Variants in HECW1 observed in about 807,000 individuals in gnomAD.
HECW1 encodes the protein E3 ubiquitin-protein ligase HECW1.
In HECW1, 61 loss-of-function variants were observed where a neutral mutation model predicts 182.3. The observed-to-expected ratio is 0.33, with a 90% CI of 0.27 to 0.41. The LOEUF (loss-of-function observed/expected upper bound fraction) is 0.41, where lower values mean the gene tolerates loss of function less well. HECW1 is among the 10% of genes least tolerant of loss of function. The pLI is 1.00. For missense variants in HECW1, 1,739 were observed against 2,108.9 expected (o/e 0.82, Z 3.44); for synonymous variants, 859 against 832.6 (o/e 1.03, Z -0.55).
chr7:43,440,707 G>A (rs928938950), intron 9 of HECW1: 10 of 152,306 alleles, frequency 6.6e-5, no homozygotes, highest in African/African-American at 2.2e-4. Context: ...TTTTGGGTTC[G>A]GGATGTCTTT....
chr7:43,475,688 C>G (rs2078195465), intron 16 of HECW1, among the ~76,000 whole-genome samples: 1 of 152,110 alleles, frequency 6.6e-6, no homozygotes, highest in Non-Finnish European at 1.5e-5. Context: ...GTAGCTGGGA[C>G]CACAGATGCA....
At chr7:43,420,980 G>A (rs1341956781) in intron 8 of HECW1, among the ~76,000 whole-genome samples, 1 of 152,064 alleles carries the variant, frequency 6.6e-6, no homozygotes, top group Non-Finnish European at 1.5e-5. Flanking sequence ...GCCAAGTAGA[G>A]GTAAGAGAGT....
chr7:43,274,584 T>C, intron 3 of HECW1: 1 of 470,238 alleles, frequency 2.1e-6, no homozygotes, highest in Non-Finnish European at 4.0e-6. Flanking sequence ...TTCTTTTAGG[T>C]GCAGGTTCCT....
At chr7:43,503,687 A>G (rs1156392802) in intron 21 of HECW1, among the ~76,000 whole-genome samples, 1 of 151,410 alleles carries the variant, frequency 6.6e-6, no homozygotes, top group Non-Finnish European at 1.5e-5. Flanking sequence ...TACAATCCCC[A>G]TTCTCTTAGA....
chr7:43,302,342 G>T (rs1372934977), intron 3 of HECW1, among the ~76,000 whole-genome samples: 1 of 152,232 alleles, frequency 6.6e-6, no homozygotes, highest in South Asian at 2.1e-4. Context: ...GTCAGGGCAG[G>T]CAGCTGCCCT....
At chr7:43,410,941 T>C (rs1230602311) in intron 8 of HECW1, among the ~76,000 whole-genome samples, 1 of 152,076 alleles carries the variant, frequency 6.6e-6, no homozygotes, top group African/African-American at 2.4e-5. Context: ...GTTTATTTTG[T>C]GAAAGAACTA....
chr7:43,130,429 G>A (rs149977884), intron 2 of HECW1, among the ~76,000 whole-genome samples: 7 of 152,210 alleles, frequency 4.6e-5, no homozygotes, highest in Admixed American at 2.0e-4. Context: ...ACATTGAACC[G>A]TCAGAAAGCA....
intron 2 of HECW1, among the ~76,000 whole-genome samples, chr7:43,122,506 A>G (rs890855867): frequency 1.3e-5 from 2 of 152,228 alleles, no homozygotes; most frequent in Non-Finnish European, 2.9e-5. Flanking sequence ...CTCCTGCTTT[A>G]GAAACAACTT....
At chr7:43,240,183 A>C (rs376565095) in intron 2 of HECW1, among the ~76,000 whole-genome samples, 5 of 152,080 alleles carry the variant, frequency 3.3e-5, no homozygotes, top group African/African-American at 9.7e-5. Context: ...TCTACTAAAA[A>C]TACAAAAAGC....
At chr7:43,202,477 CTTT>C (rs760450431) in intron 2 of HECW1, among the ~76,000 whole-genome samples, 1 of 141,602 alleles carries the variant, frequency 7.1e-6, no homozygotes, top group Non-Finnish European at 1.5e-5. Context: ...TTCTCCTTGC[CTTT>C]TTTTTTTTTT....
intron 19 of HECW1, among the ~76,000 whole-genome samples, chr7:43,499,468 C>CA (rs368228440): frequency 0.014 from 1,925 of 135,020 alleles, 53 homozygotes; most frequent in African/African-American, 0.048. Flanking sequence ...GACTCTGTCT[C>CA]AAAAAAAAAA....
chr7:43,293,836 G>A (rs1429727532), intron 3 of HECW1, among the ~76,000 whole-genome samples: 5 of 152,162 alleles, frequency 3.3e-5, no homozygotes, highest in East Asian at 3.9e-4. Context: ...GGGCCACACA[G>A]CAGGAGGTGA....
At chr7:43,311,013 A>G (rs1808433434) in intron 3 of HECW1, among the ~76,000 whole-genome samples, 1 of 152,190 alleles carries the variant, frequency 6.6e-6, no homozygotes, top group Non-Finnish European at 1.5e-5. Flanking sequence ...GCCCAAAACG[A>G]GTTAGTGCTC....
At chr7:43,260,358 A>C (rs922861291) in intron 3 of HECW1, among the ~76,000 whole-genome samples, 1 of 152,218 alleles carries the variant, frequency 6.6e-6, no homozygotes, top group African/African-American at 2.4e-5. Context: ...CCCCCATTGC[A>C]AAAGAAAACA....
chr7:43,526,431 T>C (rs561429374), intron 24 of HECW1, among the ~76,000 whole-genome samples: 1 of 152,364 alleles, frequency 6.6e-6, no homozygotes, highest in East Asian at 1.9e-4. Flanking sequence ...TTATGATTCA[T>C]AGAAAGATTG....
At chr7:43,239,913 C>T (rs571934001) in intron 2 of HECW1, 6 of 152,302 alleles carry the variant, frequency 3.9e-5, no homozygotes, top group Admixed American at 2.0e-4. Flanking sequence ...GAACCTTACC[C>T]GAACCAGGAC....
At chr7:43,561,708 T>C (rs2082213365) in intron 29 of HECW1, 107 bp from the exon 30 acceptor site, 1 of 715,940 alleles carries the variant, frequency 1.4e-6, no homozygotes. Context: ...ATCATGGTCC[T>C]GCTCACTTTT....
chr7:43,226,102 T>A (rs1054654669), intron 2 of HECW1, among the ~76,000 whole-genome samples: 1 of 152,202 alleles, frequency 6.6e-6, no homozygotes, highest in Non-Finnish European at 1.5e-5. Context: ...ATTTGCATCT[T>A]ATTATTTTTA....
In HECW1 at chr7:43,466,983, T is replaced by C. The variant is rs75866462; in HGVS notation, c.2913+415T>C. ...ACTAGGTTTCCTTTTGATATGGTTT[T>C]TTCGAATATCGTGCTGAAGTTAAAT... On this transcript the variant is annotated intron_variant, in intron 15 of 29. Coordinates refer to ENST00000395891, the MANE Select transcript of HECW1 (RefSeq NM_015052.5). Among the ~76,000 whole-genome samples, 274 of 152,380 alleles carry C rather than the reference T, an allele frequency of 1.8e-3. 5 individuals carry two copies. The East Asian group carries it at 0.031, about 17-fold the overall frequency.
Sources: gnomAD v4.1 joint callset for allele counts (sites outside exome capture counted in the v4.1 genomes callset) on GRCh38, gnomAD v4.1.1 for gene constraint, MANE v1.5 for transcripts, NCBI Gene and HGNC (gene_info 2026-07-23, HGNC 2026-07-21) for gene names.